CDK13: variants seen among roughly 807,000 people sequenced by gnomAD.
The protein encoded by CDK13 is cyclin-dependent kinase 13.
In CDK13, 40 loss-of-function variants were observed where a neutral mutation model predicts 137.6. The observed-to-expected ratio is 0.29, with a 90% CI of 0.23 to 0.38. CDK13 has a LOEUF of 0.38. CDK13 is among the 10% of genes least tolerant of loss of function. The pLI is 1.00. For missense variants in CDK13, 1,704 were observed against 1,951.8 expected, an observed-to-expected ratio of 0.87 and a Z score of 2.39; for synonymous variants, 869 against 760.1, an observed-to-expected ratio of 1.14 and a Z score of -2.36.
rs1274062630 is a variant in CDK13 at position 39,951,500 on chromosome 7, A to G, written c.859A>G (p.Lys287Glu). 3 of 1,537,588 alleles carry G rather than the reference A, an allele frequency of 2.0e-6. No individual in the cohort carries two copies. The highest frequency in any genetic ancestry group is 1.2e-5 in the South Asian group (1 of 82,704). ...CCACCGCAGCCGGACTAAGTCGTCC[A>G]AGGAGCCGCCTTCGGCCTACAAGGA... ...KAHRSRTKSSKEPPSAYKEPP... is the reference protein window; with the variant it reads ...KAHRSRTKSSEEPPSAYKEPP... Residue 287 changes from lysine to glutamate, a missense_variant, in exon 1 of 14, where the codon AAG (lysine) becomes GAG (glutamate). Transcript: ENST00000181839.
At position 39,959,858 on chromosome 7, in the gene CDK13, C is replaced by T. The variant is rs1214595716; in HGVS notation, c.1211+8006C>T. On this transcript the variant is annotated intron_variant, in intron 1 of 13. Coordinates refer to ENST00000181839, the MANE Select transcript of CDK13 (RefSeq NM_003718.5). ...ACTAACTTGTTTTTTTTTTTTTTTG[C>T]GGCATTAGCAAGTATTTTTCGTGAG... is the stretch of plus-strand genomic sequence containing the variant. 1.8e-3 allele frequency among the ~76,000 whole-genome samples: 179 copies of T among 98,458 alleles called. 1 individual carries two copies. Among genetic ancestry groups the T allele is most frequent in the African/African-American group, 6.9e-3 (171 of 24,682 alleles). The allele number at this position is 98,458 out of a possible 152,430, so 64.6% of individuals were successfully genotyped here.
At chr7:40,094,057 G>C in intron 13 of CDK13, 73 bp from the exon 14 acceptor site, 1 of 1,522,342 alleles carries the variant, frequency 6.6e-7, no homozygotes, top group Non-Finnish European at 8.9e-7. Flanking sequence ...CTACCTACAG[G>C]AAACACTGAG....
At chr7:40,046,902 T>C (rs915494480) in intron 6 of CDK13, among the ~76,000 whole-genome samples, 2 of 148,156 alleles carry the variant, frequency 1.3e-5, no homozygotes, top group African/African-American at 5.0e-5. Flanking sequence ...CTAGAAAGCC[T>C]GAGGAACGAG....
intron 7 of CDK13, among the ~76,000 whole-genome samples, chr7:40,052,322 A>G (rs1290874808): frequency 2.0e-5 from 3 of 151,998 alleles, no homozygotes; most frequent in African/African-American, 7.2e-5. Context: ...GATTACAGGC[A>G]CCTGCCACCA....
At position 39,998,442 on chromosome 7, in the gene CDK13, C is replaced by CAAAAAAAA. The variant is rs1784609425; in HGVS notation, c.2042+778_2042+779insAAAAAAAA. 10 of 72,628 alleles carry CAAAAAAAA rather than the reference C, an allele frequency of 1.4e-4. 3 individuals carry two copies. The highest frequency in any genetic ancestry group is 5.2e-4 in the African/African-American group (7 of 13,418). The allele number at this position is 72,628 out of a possible 1,614,324, so 4.5% of individuals were successfully genotyped here. ...GCAACACAGGGAGACCCCATCTCTA[C>CAAAAAAAA]CAAAAAAAAAAAAAAAAAAAAAAAA... On this transcript the variant is annotated intron_variant, in intron 3 of 13. Coordinates refer to ENST00000181839, the MANE Select transcript of CDK13 (RefSeq NM_003718.5).
chr7:40,044,024 G>A (rs1250142103), intron 5 of CDK13, among the ~76,000 whole-genome samples: 1 of 151,614 alleles, frequency 6.6e-6, no homozygotes, highest in African/African-American at 2.4e-5. Flanking sequence ...AGCCTCTGGA[G>A]CAGCTGGGAT....
intron 7 of CDK13, among the ~76,000 whole-genome samples, chr7:40,056,505 C>T (rs888548015): frequency 6.6e-6 from 1 of 152,114 alleles, no homozygotes; most frequent in Admixed American, 6.6e-5. Flanking sequence ...GAACAAAAAC[C>T]AAATGATAAT....
At position 39,950,845 on chromosome 7, in the gene CDK13, C is replaced by CGCCGCA. The variant is rs1466464101; in HGVS notation, c.210_215dup (p.Ala75_Ala76dup). On this transcript the variant is annotated inframe_insertion, in exon 1 of 14. Transcript: ENST00000181839. The stretch of plus-strand genomic sequence containing the variant: ...TCCTGGCTGCTCCCGGCACGGCCGC[C>CGCCGCA]GCCGCAGCCGCCGCCGCCGCGGCCT... 2.9e-6 allele frequency: 4 copies of CGCCGCA among 1,374,080 alleles called. No individual in the cohort carries two copies. Among genetic ancestry groups the CGCCGCA allele is most frequent in the East Asian group, 3.1e-5 (1 of 32,782 alleles). The allele number at this position is 1,374,080 out of a possible 1,614,324, so 85.1% of individuals were successfully genotyped here.
intron 7 of CDK13, among the ~76,000 whole-genome samples, chr7:40,053,945 TG>T (rs1472858037): frequency 1.3e-5 from 2 of 152,324 alleles, no homozygotes; most frequent in Admixed American, 1.3e-4. Context: ...TAAGTGCATT[TG>T]CAAGATCACA....
At chr7:39,996,208 G>A (rs1784557234) in intron 2 of CDK13, among the ~76,000 whole-genome samples, 1 of 152,022 alleles carries the variant, frequency 6.6e-6, no homozygotes, top group African/African-American at 2.4e-5. Context: ...ACGAATAGGA[G>A]GATAATTACA....
At chr7:39,992,835 G>T (rs1372612609) in intron 2 of CDK13, among the ~76,000 whole-genome samples, 2 of 151,826 alleles carry the variant, frequency 1.3e-5, no homozygotes, top group African/African-American at 4.8e-5. Flanking sequence ...CTTGTGCTTT[G>T]TTTATATAAA....
intron 9 of CDK13, among the ~76,000 whole-genome samples, chr7:40,066,210 T>TA (rs1786276377): frequency 6.6e-6 from 1 of 152,080 alleles, no homozygotes; most frequent in Non-Finnish European, 1.5e-5. Context: ...GTCTCCAAAA[T>TA]AAAAAACCAG....
chr7:40,042,150 G>A (rs2150512623), intron 5 of CDK13, among the ~76,000 whole-genome samples: 1 of 151,928 alleles, frequency 6.6e-6, no homozygotes, highest in East Asian at 1.9e-4. Context: ...CGCGATCTCG[G>A]CTCACTGCAA....
intron 1 of CDK13, among the ~76,000 whole-genome samples, chr7:39,966,379 C>A (rs192896052): frequency 1.9e-4 from 29 of 152,252 alleles, no homozygotes; most frequent in African/African-American, 7.0e-4. Context: ...TCACTGATAC[C>A]CTTTCTTCCA....
chr7:39,996,886 C>T (rs1231040054), intron 2 of CDK13, among the ~76,000 whole-genome samples: 2 of 145,980 alleles, frequency 1.4e-5, no homozygotes, highest in East Asian at 2.0e-4. Context: ...ATCGCTTGAA[C>T]CCAGGAGGTG....
At chr7:40,002,400 G>T (rs1464083468) in intron 5 of CDK13, among the ~76,000 whole-genome samples, 1 of 152,104 alleles carries the variant, frequency 6.6e-6, no homozygotes, top group Non-Finnish European at 1.5e-5. Context: ...AAACTTTACA[G>T]TAGGCATATG....
chr7:39,962,620 G>A (rs1308842422), intron 1 of CDK13, among the ~76,000 whole-genome samples: 1 of 152,142 alleles, frequency 6.6e-6, no homozygotes, highest in Non-Finnish European at 1.5e-5. Flanking sequence ...TTGCTGTGTG[G>A]AAGCTGTTTA....
intron 9 of CDK13, among the ~76,000 whole-genome samples, chr7:40,075,823 A>T (rs962742145): frequency 6.6e-6 from 1 of 152,158 alleles, no homozygotes; most frequent in African/African-American, 2.4e-5. Flanking sequence ...AGCCTGGGCA[A>T]CATAGCAAAA....
In CDK13 at chr7:39,993,730, T is replaced by G. The variant is rs1034703148; in HGVS notation, c.1872-3764T>G. Among the ~76,000 whole-genome samples the G allele has an allele frequency of 2.0e-5, 3 of 152,084 alleles. No individual in the cohort carries two copies. The South Asian group carries it at 6.2e-4, about 31-fold the overall frequency. On this transcript the variant is annotated intron_variant, in intron 2 of 13. Coordinates refer to ENST00000181839, the MANE Select transcript of CDK13 (RefSeq NM_003718.5). Reference sequence around the variant, plus strand: ...TGTTCTTCTGTTGATTAATGGATACTTAGGTTTATAATTATTCGCTATTAA... The same window carrying G: ...TGTTCTTCTGTTGATTAATGGATACGTAGGTTTATAATTATTCGCTATTAA...
Sources: gnomAD v4.1 joint callset for allele counts (sites outside exome capture counted in the v4.1 genomes callset) on GRCh38, gnomAD v4.1.1 for gene constraint, MANE v1.5 for transcripts, NCBI Gene and HGNC (gene_info 2026-07-23, HGNC 2026-07-21) for gene names.